Variants in SYN3 observed in about 807,000 individuals in gnomAD.
SYN3 encodes the protein synapsin III.
Under a neutral mutation model 65.8 loss-of-function variants are expected in SYN3, and 35 were observed. The observed-to-expected ratio is 0.53, with a 90% confidence interval of 0.41 to 0.70. The LOEUF (loss-of-function observed/expected upper bound fraction) is 0.70. Among genes scored for constraint, SYN3 ranks in the 30% least tolerant of loss-of-function variants. The pLI, the probability that SYN3 is intolerant of heterozygous loss-of-function variation, is 0.00. For synonymous variants in SYN3, 270 were observed against 292.9 expected (o/e 0.92, Z 0.80); for missense variants, 680 against 749.0 (o/e 0.91, Z 1.08).
At chr22:32,663,568 G>T (rs2060248667) in intron 6 of SYN3, among the ~76,000 whole-genome samples, 1 of 152,252 alleles carries the variant, frequency 6.6e-6, no homozygotes, top group African/African-American at 2.4e-5. Flanking sequence ...AAAGTGCTGG[G>T]ATTACAGGCA....
intron 1 of SYN3, among the ~76,000 whole-genome samples, chr22:33,035,449 C>A (rs1472458388): frequency 6.6e-6 from 1 of 151,134 alleles, no homozygotes; most frequent in Non-Finnish European, 1.5e-5. Flanking sequence ...CAGCCAGGTC[C>A]CCGTGGAAAG....
At chr22:32,882,808 C>T (rs751657046) in intron 4 of SYN3, among the ~76,000 whole-genome samples, 2 of 151,758 alleles carry the variant, frequency 1.3e-5, no homozygotes, top group East Asian at 1.9e-4. Context: ...AAGATTATTC[C>T]GAACTTTGCA....
At chr22:32,852,364 T>A (rs1430028891) in intron 6 of SYN3, among the ~76,000 whole-genome samples, 4 of 152,058 alleles carry the variant, frequency 2.6e-5, no homozygotes, top group Non-Finnish European at 5.9e-5. Flanking sequence ...AGAGGTCAGT[T>A]TGGGTTTGTT....
intron 2 of SYN3, among the ~76,000 whole-genome samples, chr22:33,004,369 T>C (rs949618287): frequency 2.0e-5 from 3 of 152,238 alleles, no homozygotes; most frequent in Admixed American, 6.5e-5. Flanking sequence ...TGCAAAACTA[T>C]AGGGATGGAG....
intron 6 of SYN3, among the ~76,000 whole-genome samples, chr22:32,598,588 C>T (rs952367737): frequency 6.6e-6 from 1 of 152,114 alleles, no homozygotes; most frequent in African/African-American, 2.4e-5. Flanking sequence ...TGGGTTCAAG[C>T]GATTCTCCTG....
chr22:32,642,717 C>G (rs548103041), intron 6 of SYN3, among the ~76,000 whole-genome samples: 6 of 151,970 alleles, frequency 3.9e-5, no homozygotes, highest in South Asian at 2.1e-4. Context: ...CGTGAGCCAC[C>G]GTACCCGGCC....
chr22:32,848,842 C>T (rs1384968083), intron 6 of SYN3, among the ~76,000 whole-genome samples: 1 of 152,078 alleles, frequency 6.6e-6, no homozygotes, highest in Admixed American at 6.5e-5. Flanking sequence ...CCCAATTGCT[C>T]CTTCTTCTAA....
At chr22:32,728,735 AC>A (rs1261421965) in intron 6 of SYN3, among the ~76,000 whole-genome samples, 1 of 151,980 alleles carries the variant, frequency 6.6e-6, no homozygotes, top group Non-Finnish European at 1.5e-5. Context: ...CTTGTTGGAG[AC>A]CCCTGAGGTA....
intron 6 of SYN3, among the ~76,000 whole-genome samples, chr22:32,668,578 C>T (rs2060322161): frequency 6.6e-6 from 1 of 152,048 alleles, no homozygotes; most frequent in Admixed American, 6.5e-5. Flanking sequence ...TCCTGCCTTC[C>T]CTTCTTCCTT....
At chr22:32,715,678 G>A (rs1035307709) in intron 6 of SYN3, among the ~76,000 whole-genome samples, 4 of 151,458 alleles carry the variant, frequency 2.6e-5, no homozygotes, top group Non-Finnish European at 5.9e-5. Flanking sequence ...TACTCGGGAG[G>A]CTGAGGCAGA....
chr22:32,780,934 T>TTTCATTCC (rs1555958469), intron 6 of SYN3, among the ~76,000 whole-genome samples: 1 of 82,620 alleles, frequency 1.2e-5, no homozygotes, highest in Non-Finnish European at 2.3e-5. Context: ...CCTTCCTTCC[T>TTTCATTCC]TTCCTTCCTT....
chr22:32,743,524 C>T (rs1031479187), intron 6 of SYN3, among the ~76,000 whole-genome samples: 2 of 152,096 alleles, frequency 1.3e-5, no homozygotes, highest in African/African-American at 4.8e-5. Context: ...GCTGAGACAA[C>T]CGTCCATGCT....
chr22:32,945,031 G>A (rs1201385500), intron 3 of SYN3, among the ~76,000 whole-genome samples: 5 of 152,172 alleles, frequency 3.3e-5, no homozygotes, highest in Non-Finnish European at 7.3e-5. Flanking sequence ...ACTGCTCAAC[G>A]AAATAAAGGA....
intron 4 of SYN3, among the ~76,000 whole-genome samples, chr22:32,898,922 G>A (rs902559749): frequency 6.6e-6 from 1 of 152,152 alleles, no homozygotes; most frequent in African/African-American, 2.4e-5. Context: ...CCAACATGGT[G>A]AAACCCCATC....
In SYN3 at chr22:32,509,623, C is replaced by T. The variant is rs2057669458; in HGVS notation, c.*4069G>A. On this transcript the variant is annotated 3_prime_UTR_variant, in exon 14 of 14. Transcript: ENST00000358763. ...TCACTCTGTTGCCCAGGCTGGAGTGCAGTGGTGCGATCTCGGCTCACTGCA... is the reference window on the plus strand; with the variant it reads ...TCACTCTGTTGCCCAGGCTGGAGTGTAGTGGTGCGATCTCGGCTCACTGCA... Among the ~76,000 whole-genome samples, 2 of 151,994 alleles carry T rather than the reference C, an allele frequency of 1.3e-5. No homozygotes were observed. The highest frequency in any genetic ancestry group is 2.9e-5 in the Non-Finnish European group (2 of 68,000).
At chr22:32,871,262 G>T (rs940171544) in intron 4 of SYN3, among the ~76,000 whole-genome samples, 1 of 152,146 alleles carries the variant, frequency 6.6e-6, no homozygotes, top group Non-Finnish European at 1.5e-5. Flanking sequence ...GCCCTTCCAA[G>T]ACCACCTTCC....
chr22:32,601,556 C>T (rs199853025), intron 6 of SYN3, among the ~76,000 whole-genome samples: 3 of 148,770 alleles, frequency 2.0e-5, no homozygotes, highest in East Asian at 3.9e-4. Context: ...GGATTACAGG[C>T]GTGAGCCACT....
chr22:32,896,099 A>G (rs536278057), intron 4 of SYN3, among the ~76,000 whole-genome samples: 1 of 152,350 alleles, frequency 6.6e-6, no homozygotes, highest in South Asian at 2.1e-4. Flanking sequence ...CAAGAAATAT[A>G]CACACACATA....
intron 6 of SYN3, among the ~76,000 whole-genome samples, chr22:32,600,957 G>A (rs1466959551): frequency 6.6e-6 from 1 of 152,200 alleles, no homozygotes; most frequent in Non-Finnish European, 1.5e-5. Flanking sequence ...AAAGTTCTGG[G>A]ATAACAGGCG....
Sources: allele counts gnomAD v4.1 joint callset (sites outside exome capture counted in the v4.1 genomes callset), GRCh38; gene constraint gnomAD v4.1.1; transcripts MANE v1.5; gene names NCBI Gene and HGNC (gene_info 2026-07-23, HGNC 2026-07-21).